COLGALT2: variants seen among roughly 807,000 people sequenced by gnomAD.
COLGALT2 encodes procollagen galactosyltransferase 2.
A neutral mutation model predicts 73.4 loss-of-function variants in COLGALT2; 49 were observed. The observed-to-expected ratio is 0.67, with a 90% CI of 0.53 to 0.85. The LOEUF (loss-of-function observed/expected upper bound fraction) is 0.85. COLGALT2 is among the 40% of genes least tolerant of loss of function. The pLI is 0.00. For synonymous variants in COLGALT2, 295 were observed against 307.6 expected (o/e 0.96, Z 0.43); for missense variants, 722 against 790.2 (o/e 0.91, Z 1.03).
intron 1 of COLGALT2, among the ~76,000 whole-genome samples, chr1:184,010,900 G>A (rs1672216791): frequency 6.6e-6 from 1 of 152,152 alleles, no homozygotes; most frequent in Admixed American, 6.5e-5. Context: ...CCTGGGAGAT[G>A]GATGACAGCC....
At chr1:183,975,913 CA>C (rs1417630900) in intron 2 of COLGALT2, among the ~76,000 whole-genome samples, 1 of 152,198 alleles carries the variant, frequency 6.6e-6, no homozygotes, top group Non-Finnish European at 1.5e-5. Flanking sequence ...TTCAAGATCT[CA>C]TAGCTGCACT....
chr1:183,956,428 C>T (rs1161276165), intron 6 of COLGALT2, among the ~76,000 whole-genome samples: 1 of 152,162 alleles, frequency 6.6e-6, no homozygotes, highest in Non-Finnish European at 1.5e-5. Context: ...CTGCTCCACT[C>T]CACTCCTTAT....
At chr1:184,005,050 G>A (rs896633845) in intron 1 of COLGALT2, among the ~76,000 whole-genome samples, 8 of 152,240 alleles carry the variant, frequency 5.3e-5, no homozygotes, top group African/African-American at 1.9e-4. Flanking sequence ...TGAAAACAGA[G>A]GCATGATGGA....
At chr1:184,018,797 T>C (rs1649085791) in intron 1 of COLGALT2, among the ~76,000 whole-genome samples, 1 of 152,164 alleles carries the variant, frequency 6.6e-6, no homozygotes, top group Non-Finnish European at 1.5e-5. Context: ...TGCTGCAAGA[T>C]TCTCCAGACA....
chr1:183,938,329 T>C lies in COLGALT2; in HGVS notation c.*432A>G. On this transcript the variant is annotated 3_prime_UTR_variant, in exon 12 of 12. Transcript: ENST00000361927. ...GCACACACAAGTTTTCAATGTCATA[T>C]AAAACGGACAAACTAGACCAATAAG... 2.0e-6 allele frequency: 2 copies of C among 995,658 alleles called. No homozygotes were observed. Among genetic ancestry groups the C allele is most frequent in the Non-Finnish European group, 2.4e-6 (2 of 835,630 alleles). The allele number at this position is 995,658 out of a possible 1,614,324, so 61.7% of individuals were successfully genotyped here. A position where few individuals can be genotyped will look rare whatever the true frequency, so the allele number is the denominator to read the frequency against.
At chr1:183,932,924 C>T (rs1669876683), downstream of COLGALT2, among the ~76,000 whole-genome samples, 1 of 152,164 alleles carries the variant, frequency 6.6e-6, no homozygotes, top group African/African-American at 2.4e-5. Flanking sequence ...TGTCCACAGT[C>T]CCTGTGTCTT....
intron 6 of COLGALT2, among the ~76,000 whole-genome samples, chr1:183,955,900 T>C (rs1041817170): frequency 1.3e-5 from 2 of 152,200 alleles, no homozygotes; most frequent in Admixed American, 6.5e-5. Context: ...CTCAGGGCTA[T>C]ATGACTTTCT....
chr1:183,983,971 C>T (rs1035150264), intron 1 of COLGALT2, among the ~76,000 whole-genome samples: 2 of 152,214 alleles, frequency 1.3e-5, no homozygotes, highest in African/African-American at 4.8e-5. Flanking sequence ...TGTGAAAACA[C>T]AAATATGGGC....
intron 8 of COLGALT2, among the ~76,000 whole-genome samples, chr1:183,947,804 AG>A (rs1432314066): frequency 1.3e-5 from 2 of 152,174 alleles, no homozygotes; most frequent in East Asian, 3.8e-4. Flanking sequence ...CAAAACCAAA[AG>A]TCAGTCCTCT....
rs1374316880 is a variant in COLGALT2, at chr1:183,938,607, T to C, written c.*154A>G. The C allele has an allele frequency of 5.6e-6, 8 of 1,428,600 alleles. No homozygotes were observed. In the African/African-American group the frequency reaches 5.8e-5, roughly 10 times the overall value. 88.5% of individuals were successfully genotyped at this position (1,428,600 alleles called of 1,614,324 possible). ...TTATTTCCTTCCATGGTCAAAAATA[T>C]GTTAATTTCGATCTATCACACTAGA... On this transcript the variant is annotated 3_prime_UTR_variant, in exon 12 of 12. Coordinates refer to ENST00000361927, the MANE Select transcript of COLGALT2 (RefSeq NM_015101.4).
At chr1:184,015,367 A>G (rs1367801762) in intron 1 of COLGALT2, among the ~76,000 whole-genome samples, 1 of 152,088 alleles carries the variant, frequency 6.6e-6, no homozygotes, top group Non-Finnish European at 1.5e-5. Context: ...AACGTTGCCA[A>G]CCTCATCTCA....
At chr1:183,949,940 A>AAGC (rs1186562804) in intron 8 of COLGALT2, among the ~76,000 whole-genome samples, 6 of 152,194 alleles carry the variant, frequency 3.9e-5, no homozygotes, top group African/African-American at 1.4e-4. Context: ...GAGGTATTTG[A>AAGC]AGCAGTGGTT....
intron 1 of COLGALT2, among the ~76,000 whole-genome samples, chr1:184,021,803 G>A (rs1410748857): frequency 2.0e-5 from 3 of 152,216 alleles, no homozygotes; most frequent in African/African-American, 7.2e-5. Flanking sequence ...CAGCACTCAA[G>A]CTCTTTGAAT....
At chr1:184,011,065 C>T (rs769842948) in intron 1 of COLGALT2, among the ~76,000 whole-genome samples, 1 of 152,150 alleles carries the variant, frequency 6.6e-6, no homozygotes, top group Non-Finnish European at 1.5e-5. Flanking sequence ...CATATAATTA[C>T]CAGTGGCAGC....
intron 1 of COLGALT2, among the ~76,000 whole-genome samples, chr1:184,025,042 A>ACAAACAC (rs1649292540): frequency 6.6e-6 from 1 of 152,238 alleles, no homozygotes; most frequent in Non-Finnish European, 1.5e-5. Context: ...TCCACTTTAG[A>ACAAACAC]CAAACACCAG....
At chr1:183,993,619 C>T (rs1205516872) in intron 1 of COLGALT2, among the ~76,000 whole-genome samples, 4 of 152,168 alleles carry the variant, frequency 2.6e-5, no homozygotes, top group Admixed American at 6.5e-5. Flanking sequence ...ACCCTTCCTT[C>T]CCCAGCCCCA....
At chr1:183,932,378 C>T (rs959661216), downstream of COLGALT2, among the ~76,000 whole-genome samples, 14 of 151,980 alleles carry the variant, frequency 9.2e-5, no homozygotes, top group African/African-American at 2.9e-4. Flanking sequence ...AGGGAAAGTG[C>T]GGTTCACTTT....
intron 1 of COLGALT2, among the ~76,000 whole-genome samples, chr1:184,012,583 A>G (rs1648844946): frequency 6.6e-6 from 1 of 152,240 alleles, no homozygotes; most frequent in Non-Finnish European, 1.5e-5. Context: ...GTGTACATGG[A>G]AATTCTAATA....
chr1:184,001,858 C>T (rs1315316982), intron 1 of COLGALT2, among the ~76,000 whole-genome samples: 1 of 152,200 alleles, frequency 6.6e-6, no homozygotes, highest in East Asian at 1.9e-4. Flanking sequence ...TTATAATCTG[C>T]AGGTAAAGTT....
Sources: allele counts gnomAD v4.1 joint callset (sites outside exome capture counted in the v4.1 genomes callset), GRCh38; gene constraint gnomAD v4.1.1; transcripts MANE v1.5; gene names NCBI Gene and HGNC (gene_info 2026-07-23, HGNC 2026-07-21).